The following EIF3G variants were observed in gnomAD, a reference collection of about 807,000 sequenced individuals.
EIF3G encodes eukaryotic translation initiation factor 3 RNA-binding subunit.
A neutral mutation model predicts 41.7 loss-of-function variants in EIF3G; 10 were observed. That is an observed-to-expected ratio of 0.24 (90% confidence interval 0.15 to 0.41). The LOEUF (loss-of-function observed/expected upper bound fraction) is 0.41. Among genes scored for constraint, EIF3G ranks in the 10% least tolerant of loss-of-function variants. The pLI is 1.00. For missense variants in EIF3G, 297 were observed against 444.0 expected (o/e 0.67, Z 2.98); for synonymous variants, 204 against 172.5 (o/e 1.18, Z -1.43).
At chr19:10,118,017 A>T (rs2089274155) in intron 5 of EIF3G, 1 of 152,462 alleles carries the variant, frequency 6.6e-6, no homozygotes, top group East Asian at 1.9e-4. Context: ...GTGCCACTGT[A>T]CTCCAGCCTG....
At chr19:10,115,426 A>C in intron 10 of EIF3G, 53 bp downstream of exon 10, 1 of 1,548,112 alleles carries the variant, frequency 6.5e-7, no homozygotes, top group Admixed American at 1.8e-5. Context: ...ACACTCCGTG[A>C]AGGTGCTGGG....
chr19:10,115,108 G>A lies in EIF3G; in HGVS notation c.*6C>T, dbSNP rs768710180. On this transcript the variant is annotated 3_prime_UTR_variant, in exon 11 of 11. Transcript: ENST00000253108. ...GTCCCGGACCGAGTACACAGTGGCA[G>A]CTGGCTTAGTTGGTGGACGGCCTGG... 2 of 1,614,066 alleles carry A rather than the reference G, an allele frequency of 1.2e-6. No homozygotes were observed. The highest frequency in any genetic ancestry group is 2.2e-5 in the East Asian group (1 of 44,882).
chr19:10,116,177 C>G lies in EIF3G; in HGVS notation c.596-103G>C, dbSNP rs1436040500. On this transcript the variant is annotated intron_variant, in intron 7 of 10. Coordinates refer to ENST00000253108, the MANE Select transcript of EIF3G (RefSeq NM_003755.5). The surrounding 1 kb of genome is among the most constrained non-coding windows in gnomAD (Gnocchi z 4.1). ...CTTCAGTGTTGAGCCAGCGCAGGCA[C>G]TGTGTGCCAAACCACAGGCAGCCAG... 18 of 1,207,790 alleles carry G rather than the reference C, an allele frequency of 1.5e-5. No homozygotes were observed. The highest frequency in any genetic ancestry group is 2.0e-5 in the Non-Finnish European group (17 of 862,896). 74.8% of individuals were successfully genotyped at this position (1,207,790 alleles called of 1,614,324 possible).
intron 2 of EIF3G, 39 bp downstream of exon 2, chr19:10,119,615 G>A (rs756947640): frequency 2.8e-5 from 44 of 1,555,382 alleles, no homozygotes; most frequent in Non-Finnish European, 3.7e-5. Context: ...CACGGCTTGG[G>A]CCTGGCCGCG....
rs764944778 is a variant in EIF3G at position 10,115,076 on chromosome 19, G to A, written c.*38C>T. ...GCGCTCTCGGAGGCTGTCTTCTGTC[G>A]CCAAGGGTCCCGGACCGAGTACACA... On this transcript the variant is annotated 3_prime_UTR_variant, in exon 11 of 11. Transcript: ENST00000253108. The A allele has an allele frequency of 1.9e-5, 30 of 1,613,512 alleles. No individual in the cohort carries two copies. Among genetic ancestry groups the A allele is most frequent in the East Asian group, 1.3e-4 (6 of 44,882 alleles).
intron 4 of EIF3G, 21 bp from the exon 5 acceptor site, chr19:10,118,748 G>A: frequency 6.2e-7 from 1 of 1,613,620 alleles, no homozygotes; most frequent in East Asian, 2.2e-5. Flanking sequence ...GAGGGGAGAA[G>A]GGTCAGGCTC....
At chr19:10,115,903 CG>C in intron 8 of EIF3G, 63 bp downstream of exon 8, 2 of 1,605,002 alleles carry the variant, frequency 1.2e-6, no homozygotes, top group East Asian at 2.2e-5. Flanking sequence ...GTGCACGCTT[CG>C]GGGATAATTA....
chr19:10,119,490 C>T, intron 2 of EIF3G, 164 bp downstream of exon 2: 2 of 920,704 alleles, frequency 2.2e-6, no homozygotes, highest in Non-Finnish European at 3.4e-6. Context: ...AGGGACCCGC[C>T]GGGGAACACC....
At position 10,115,812 on chromosome 19, in the gene EIF3G, TGTC is replaced by T. The variant is rs1257649695; in HGVS notation, c.709_711del (p.Asp237del). The stretch of plus-strand genomic sequence containing the variant: ...AAGTTGGTGACACGGATGGTGGCGT[TGTC>T]GTCGGCTGTGTGGGAGAGGGGAGGT... On this transcript the variant is annotated inframe_deletion, in exon 9 of 11. Transcript: ENST00000253108. 1 of 1,612,448 alleles carries T rather than the reference TGTC, an allele frequency of 6.2e-7. No homozygotes were observed. The highest frequency in any genetic ancestry group is 8.5e-7 in the Non-Finnish European group (1 of 1,179,844).
At position 10,116,518 on chromosome 19, in the gene EIF3G, G is replaced by T; in HGVS notation, c.595+282C>A. On this transcript the variant is annotated intron_variant, in intron 7 of 10. Transcript: ENST00000253108. The surrounding 1 kb of genome is among the most constrained non-coding windows in gnomAD (Gnocchi z 4.1). ...AACGGAGACACTATACACACAGTGCGCACACACGATGTGGGGTGGTCAGCA... is the reference window on the plus strand; with the variant it reads ...AACGGAGACACTATACACACAGTGCTCACACACGATGTGGGGTGGTCAGCA... The T allele has an allele frequency of 2.0e-6, 1 of 511,672 alleles. No individual in the cohort carries two copies. Among genetic ancestry groups the T allele is most frequent in the South Asian group, 2.8e-5 (1 of 35,972 alleles). 31.7% of individuals were successfully genotyped at this position (511,672 alleles called of 1,614,324 possible).
At chr19:10,117,933 T>C (rs985474120) in intron 5 of EIF3G, 34 of 152,030 alleles carry the variant, frequency 2.2e-4, no homozygotes, top group African/African-American at 7.3e-4. Flanking sequence ...ACACCTGTAA[T>C]CTCAGCTACT....
intron 1 of EIF3G, 56 bp from the exon 2 acceptor site, chr19:10,119,756 C>T: frequency 6.2e-7 from 1 of 1,613,576 alleles, no homozygotes; most frequent in Admixed American, 1.7e-5. Flanking sequence ...CCGGCTCCCG[C>T]AGCCTCGGCG....
rs983508264 is a variant in EIF3G, at chr19:10,117,036, C to T, written c.406-47G>A. ...GAGCTCAGAGGCGGCTAAGGCACCC[C>T]CTTTGCCCCACCCCAGGATGCCAGC... On this transcript the variant is annotated intron_variant, in intron 6 of 10. Transcript: ENST00000253108. 4 of 1,605,588 alleles carry T rather than the reference C, an allele frequency of 2.5e-6. No homozygotes were observed. In the East Asian group the frequency reaches 8.9e-5, roughly 36 times the overall value.
chr19:10,115,481 G>A lies in EIF3G; in HGVS notation c.945C>T (p.Ala315=), dbSNP rs201663676. 109 of 1,607,870 alleles carry A rather than the reference G, an allele frequency of 6.8e-5. 1 individual carries two copies. The highest frequency in any genetic ancestry group is 3.1e-5 in the Non-Finnish European group (37 of 1,176,280). The part of the protein sequence containing the change: ...YDHLILNVEW[A]KPSTN ...CTGGGGCAGGGATGGAGTCTTACTT[G>A]GCCCACTCGACGTTGAGGATGAGGT... The change falls in exon 10 of 11, where the codon GCC becomes GCT. Residue 315 remains alanine (A), a splice_region_variant and synonymous_variant. Transcript: ENST00000253108.
intron 5 of EIF3G, chr19:10,117,400 C>T (rs2089268941): frequency 1.8e-6 from 1 of 552,708 alleles, no homozygotes; most frequent in Non-Finnish European, 3.2e-6. Flanking sequence ...AGCTGTCAGC[C>T]TCCGGGTCCA....
Position 10,117,235 on chromosome 19 carries a change from G to A in EIF3G, c.301-47C>T, listed in dbSNP as rs2089267006. 2.0e-6 allele frequency: 3 copies of A among 1,467,530 alleles called. 1 individual carries two copies. The allele number at this position is 1,467,530 out of a possible 1,614,324, so 90.9% of individuals were successfully genotyped here. A position where few individuals can be genotyped will look rare whatever the true frequency, so the allele number is the denominator to read the frequency against. On this transcript the variant is annotated intron_variant, in intron 5 of 10. Transcript: ENST00000253108. ...GGACAGTTGAGGGCAGGGGCAGGCT[G>A]GGTTCCACAGTGGGGTGCCCTAGAC... is the stretch of plus-strand genomic sequence containing the variant.
Position 10,115,664 on chromosome 19 carries a change from GTGCC to G in EIF3G, c.840+16_840+19del, listed in dbSNP as rs71188883. 0.43 allele frequency: 694,289 copies of G among 1,612,254 alleles called. 152,467 individuals are homozygous for G. Among genetic ancestry groups the G allele is most frequent in the Admixed American group, 0.49 (29,200 of 59,960 alleles). On this transcript the variant is annotated intron_variant, in intron 9 of 10. Transcript: ENST00000253108. ...CAAGTGACCCTCACACAGCCCCACC[GTGCC>G]TGCCTGCCTGCCCACCTTGGATTGG...
rs1423607078 is a variant in EIF3G at position 10,115,835 on chromosome 19, G to A, written c.704-15C>T. 19 of 1,610,286 alleles carry A rather than the reference G, an allele frequency of 1.2e-5. No homozygotes were observed. The highest frequency in any genetic ancestry group is 4.5e-5 in the East Asian group (2 of 44,854). ...GTTGTCGTCGGCTGTGTGGGAGAGG[G>A]GAGGTGGCTGTGAGGGGGAGGACAC... On this transcript the variant is annotated splice_polypyrimidine_tract_variant and intron_variant, in intron 8 of 10. Transcript: ENST00000253108.
In EIF3G at chr19:10,117,171, C is replaced by G. The variant is rs139174106; in HGVS notation, c.318G>C (p.Gly106=). 3.9e-3 allele frequency: 6,241 copies of G among 1,611,716 alleles called. 21 individuals are homozygous for G. The highest frequency in any genetic ancestry group is 4.4e-3 in the Non-Finnish European group (5,243 of 1,178,986). ...GTCCGGGGGGGTCAAACTCTGAGTTCCCGAACTTCTTCCAGTTCTGGGCTC... is the reference window on the plus strand; with the variant it reads ...GTCCGGGGGGGTCAAACTCTGAGTTGCCGAACTTCTTCCAGTTCTGGGCTC... The part of the protein sequence containing the change: ...VARRKNWKKF[G]NSEFDPPGPN... The change falls in exon 6 of 11, where the codon GGG becomes GGC. Residue 106 remains glycine (G), a synonymous_variant. Transcript: ENST00000253108.
Sources: allele counts gnomAD v4.1 joint callset, GRCh38; gene constraint gnomAD v4.1.1; non-coding constraint Gnocchi (gnomAD v3.1); transcripts MANE v1.5; gene names NCBI Gene and HGNC (gene_info 2026-07-23, HGNC 2026-07-21).